The following DTD1 variants were observed in gnomAD, a reference collection of about 807,000 sequenced individuals.
DTD1 encodes D-aminoacyl-tRNA deacylase 1, also known as D-tyrosyl-tRNA deacylase 1 homolog.
A neutral mutation model predicts 25.6 loss-of-function variants in DTD1; 13 were observed. That is an observed-to-expected ratio of 0.51 (90% CI 0.33 to 0.81). The LOEUF is 0.81. DTD1 is among the 30% of genes least tolerant of loss of function. DTD1 has a pLI of 0.02. For missense variants in DTD1, 193 were observed against 266.4 expected (o/e 0.72, Z 1.92); for synonymous variants, 110 against 103.6 (o/e 1.06, Z -0.37).
At chr20:18,637,912 A>G (rs1346502577) in intron 4 of DTD1, among the ~76,000 whole-genome samples, 1 of 151,810 alleles carries the variant, frequency 6.6e-6, no homozygotes, top group African/African-American at 2.4e-5. Flanking sequence ...CCTGAAATGA[A>G]CTCCTTCCCT....
At chr20:18,715,242 C>T (rs768948952) in intron 4 of DTD1, among the ~76,000 whole-genome samples, 5 of 152,290 alleles carry the variant, frequency 3.3e-5, no homozygotes, top group Non-Finnish European at 7.3e-5. Flanking sequence ...TAAACTTGTA[C>T]TCCAGGGACA....
At chr20:18,762,299 CT>C (rs1257753104) in intron 5 of DTD1, among the ~76,000 whole-genome samples, 1 of 152,174 alleles carries the variant, frequency 6.6e-6, no homozygotes, top group East Asian at 1.9e-4. Context: ...GGAATAGAAA[CT>C]CTTCTGTTAG....
At chr20:18,675,921 GT>G (rs2060971855) in intron 4 of DTD1, among the ~76,000 whole-genome samples, 1 of 140,924 alleles carries the variant, frequency 7.1e-6, no homozygotes, top group Non-Finnish European at 1.6e-5. Context: ...TATAACCTAA[GT>G]TTTTTATTCC....
chr20:18,594,334 G>A (rs1253764711), intron 2 of DTD1, among the ~76,000 whole-genome samples: 3 of 152,132 alleles, frequency 2.0e-5, no homozygotes, highest in Non-Finnish European at 4.4e-5. Context: ...AGGTGGTGGC[G>A]GGGGTTGAGG....
intron 4 of DTD1, among the ~76,000 whole-genome samples, chr20:18,662,381 A>G (rs1291459819): frequency 6.6e-6 from 1 of 152,150 alleles, no homozygotes; most frequent in Non-Finnish European, 1.5e-5. Flanking sequence ...ACAGCCTCCT[A>G]AAGTTCTGGA....
At chr20:18,622,619 A>G (rs1054483946) in intron 3 of DTD1, among the ~76,000 whole-genome samples, 4 of 152,180 alleles carry the variant, frequency 2.6e-5, no homozygotes, top group Non-Finnish European at 4.4e-5. Context: ...AAGTGTTGTT[A>G]GTGTAGAATT....
At position 18,653,461 on chromosome 20, in the gene DTD1, A is replaced by G. The variant is rs150313510; in HGVS notation, c.477+25228A>G. ...AAATATTAGTCTAAAGTATGCTAATATGTGAAAGTAATATGTTGATTTTTG... is the reference window on the plus strand; with the variant it reads ...AAATATTAGTCTAAAGTATGCTAATGTGTGAAAGTAATATGTTGATTTTTG... On this transcript the variant is annotated intron_variant, in intron 4 of 5. Transcript: ENST00000377452. 3.3e-3 allele frequency among the ~76,000 whole-genome samples: 510 copies of G among 152,376 alleles called. 2 individuals are homozygous for G. The highest frequency in any genetic ancestry group is 0.012 in the African/African-American group (495 of 41,592).
intron 3 of DTD1, among the ~76,000 whole-genome samples, chr20:18,623,672 A>G (rs1007710697): frequency 6.6e-6 from 1 of 152,144 alleles, no homozygotes; most frequent in Non-Finnish European, 1.5e-5. Context: ...GGCCGTCTGC[A>G]TCTTTCATCT....
At chr20:18,748,729 TG>T (rs2061310186) in intron 5 of DTD1, among the ~76,000 whole-genome samples, 1 of 152,234 alleles carries the variant, frequency 6.6e-6, no homozygotes, top group African/African-American at 2.4e-5. Flanking sequence ...GGAATTCTCA[TG>T]GACTCGTAGG....
intron 4 of DTD1, among the ~76,000 whole-genome samples, chr20:18,658,484 T>C (rs1191405313): frequency 6.6e-6 from 1 of 152,132 alleles, no homozygotes; most frequent in East Asian, 1.9e-4. Flanking sequence ...AATTAAATGT[T>C]TGTTATGCTT....
chr20:18,725,757 G>A (rs912160625), intron 4 of DTD1, among the ~76,000 whole-genome samples: 19 of 152,202 alleles, frequency 1.2e-4, no homozygotes, highest in African/African-American at 4.3e-4. Flanking sequence ...ATGATGGTCA[G>A]TATCACCATC....
chr20:18,623,592 G>A (rs2060744831), intron 3 of DTD1, among the ~76,000 whole-genome samples: 1 of 152,176 alleles, frequency 6.6e-6, no homozygotes, highest in African/African-American at 2.4e-5. Context: ...AGCAAATCCT[G>A]TTTGCCTCAC....
chr20:18,671,604 G>T (rs2060951346), intron 4 of DTD1, among the ~76,000 whole-genome samples: 1 of 152,178 alleles, frequency 6.6e-6, no homozygotes, highest in Admixed American at 6.5e-5. Context: ...CTTTTCAGAG[G>T]CTCTGTCATC....
intron 4 of DTD1, among the ~76,000 whole-genome samples, chr20:18,708,187 T>A (rs1488853515): frequency 1.5e-5 from 1 of 66,350 alleles, no homozygotes; most frequent in Non-Finnish European, 2.7e-5. Context: ...ATATATTTTA[T>A]ATATATATTA....
intron 4 of DTD1, among the ~76,000 whole-genome samples, chr20:18,706,521 C>T (rs1158335914): frequency 1.3e-5 from 2 of 152,098 alleles, no homozygotes; most frequent in African/African-American, 2.4e-5. Flanking sequence ...GTGGGCAGTT[C>T]AGCATTTCAA....
rs1262346867 is a variant in DTD1 at position 18,708,320 on chromosome 20, T to A, written c.478-35780T>A. On this transcript the variant is annotated intron_variant, in intron 4 of 5. Coordinates refer to ENST00000377452, the MANE Select transcript of DTD1 (RefSeq NM_080820.6). ...ATAATATATATATTTTATATATATA[T>A]TATATATATATATTTTATATATATA... is the stretch of plus-strand genomic sequence containing the variant. Among the ~76,000 whole-genome samples the A allele has an allele frequency of 5.6e-4, 23 of 40,728 alleles. 2 individuals are homozygous for A. The highest frequency in any genetic ancestry group is 1.3e-3 in the African/African-American group (15 of 11,950). The allele number at this position is 40,728 out of a possible 152,430, so 26.7% of individuals were successfully genotyped here. A position where few individuals can be genotyped will look rare whatever the true frequency, so the allele number is the denominator to read the frequency against.
chr20:18,693,159 C>T (rs894258343), intron 4 of DTD1, among the ~76,000 whole-genome samples: 2 of 152,156 alleles, frequency 1.3e-5, no homozygotes, highest in African/African-American at 2.4e-5. Flanking sequence ...TCCCAAAATG[C>T]TGGGATTACA....
intron 4 of DTD1, among the ~76,000 whole-genome samples, chr20:18,708,053 C>T (rs2061133437): frequency 6.7e-6 from 1 of 149,506 alleles, no homozygotes; most frequent in African/African-American, 2.5e-5. Context: ...ATTTCTCTGC[C>T]TCTTGAAATG....
chr20:18,686,000 G>A (rs1272231885), intron 4 of DTD1, among the ~76,000 whole-genome samples: 2 of 152,198 alleles, frequency 1.3e-5, no homozygotes, highest in African/African-American at 4.8e-5. Flanking sequence ...TTTGCATCAT[G>A]TCCCAGTCCT....
Sources: allele counts gnomAD v4.1 joint callset (sites outside exome capture counted in the v4.1 genomes callset), GRCh38; gene constraint gnomAD v4.1.1; transcripts MANE v1.5; gene names NCBI Gene and HGNC (gene_info 2026-07-23, HGNC 2026-07-21).